MCC: variants seen among roughly 807,000 people sequenced by gnomAD.
The protein encoded by MCC is colorectal mutant cancer protein.
In MCC, 90 loss-of-function variants were observed where a neutral mutation model predicts 116.2. The observed-to-expected ratio is 0.77, with a 90% CI of 0.65 to 0.92. The LOEUF (loss-of-function observed/expected upper bound fraction) is 0.92, where lower values mean the gene tolerates loss of function less well. Among genes scored for constraint, MCC ranks in the 40% least tolerant of loss-of-function variants. The pLI is 0.00. For missense variants in MCC, 1,516 were observed against 1,312.2 expected, an observed-to-expected ratio of 1.16 and a Z score of -2.40; for synonymous variants, 578 against 510.5, an observed-to-expected ratio of 1.13 and a Z score of -1.78.
intron 1 of MCC, among the ~76,000 whole-genome samples, chr5:113,421,162 C>G (rs1164122835): frequency 1.3e-5 from 2 of 152,026 alleles, no homozygotes; most frequent in South Asian, 4.2e-4. Context: ...GTAGCTGAGA[C>G]TACAGGCACG....
Position 113,043,572 on chromosome 5 carries a change from CTGCACGT to C in MCC, c.2707_2713del (p.Thr903AlafsTer19), listed in dbSNP as rs1346592724. ...GAACTCCGCAGCCAGCTCATTCTCG[CTGCACGT>C]TGTCCTGAGTTCGGCTAGGGACAGA... On this transcript the variant is annotated frameshift_variant, in exon 17 of 19. Transcript: ENST00000408903. LOFTEE classifies it high-confidence loss of function. The C allele has an allele frequency of 6.2e-7, 1 of 1,614,068 alleles. No individual in the cohort carries two copies.
chr5:113,352,198 C>T (rs1768285203), intron 2 of MCC, among the ~76,000 whole-genome samples: 1 of 152,116 alleles, frequency 6.6e-6, no homozygotes, highest in Non-Finnish European at 1.5e-5. Context: ...TAAAAACCAA[C>T]ATTCATGAGA....
chr5:113,323,478 T>C (rs1184501918), intron 3 of MCC, among the ~76,000 whole-genome samples: 1 of 151,994 alleles, frequency 6.6e-6, no homozygotes, highest in Non-Finnish European at 1.5e-5. Context: ...TGGAAGGTGG[T>C]GGCAGTGGTG....
At chr5:113,415,210 C>T (rs1384233574) in intron 1 of MCC, among the ~76,000 whole-genome samples, 1 of 152,124 alleles carries the variant, frequency 6.6e-6, no homozygotes, top group Non-Finnish European at 1.5e-5. Flanking sequence ...TTTTTTCCTT[C>T]ATTTCAACTT....
chr5:113,054,974 A>G (rs1051382291), intron 14 of MCC, among the ~76,000 whole-genome samples: 1 of 152,216 alleles, frequency 6.6e-6, no homozygotes, highest in Non-Finnish European at 1.5e-5. Context: ...GCCAGTGTGC[A>G]CCGACAGCAG....
chr5:113,476,828 A>G (rs936941611), intron 1 of MCC, among the ~76,000 whole-genome samples: 1 of 152,114 alleles, frequency 6.6e-6, no homozygotes, highest in African/African-American at 2.4e-5. Context: ...GGTTGCAATG[A>G]TTGTTACACG....
intron 3 of MCC, among the ~76,000 whole-genome samples, chr5:113,205,643 A>G (rs565079683): frequency 3.5e-4 from 54 of 152,382 alleles, no homozygotes; most frequent in African/African-American, 1.3e-3. Context: ...TTTTAAAAGC[A>G]TGAATAGCTC....
intron 3 of MCC, among the ~76,000 whole-genome samples, chr5:113,211,813 T>G (rs998066385): frequency 1.3e-5 from 2 of 152,204 alleles, no homozygotes; most frequent in Non-Finnish European, 2.9e-5. Flanking sequence ...TTAGCACACT[T>G]GAATGAAGAC....
At chr5:113,390,930 T>C (rs745527500) in intron 1 of MCC, among the ~76,000 whole-genome samples, 26 of 152,178 alleles carry the variant, frequency 1.7e-4, no homozygotes, top group Non-Finnish European at 3.5e-4. Flanking sequence ...ACACAAAAAA[T>C]GTAATTTAGA....
At chr5:113,486,759 C>A (rs540750301) in intron 1 of MCC, among the ~76,000 whole-genome samples, 9 of 151,716 alleles carry the variant, frequency 5.9e-5, no homozygotes, top group African/African-American at 1.9e-4. Flanking sequence ...AGGAGAATCT[C>A]TTGAACCAGG....
At chr5:113,373,783 A>G (rs1245321662) in intron 2 of MCC, among the ~76,000 whole-genome samples, 2 of 152,286 alleles carry the variant, frequency 1.3e-5, no homozygotes, top group African/African-American at 4.8e-5. Flanking sequence ...TCATAATTTT[A>G]AAACAAGATT....
At chr5:113,078,532 A>C (rs142213665) in intron 11 of MCC, among the ~76,000 whole-genome samples, 172 of 152,320 alleles carry the variant, frequency 1.1e-3, no homozygotes, top group African/African-American at 4.0e-3. Flanking sequence ...TTAATCCATC[A>C]TATAAATAGA....
At chr5:113,354,957 TG>T (rs1176937798) in intron 2 of MCC, among the ~76,000 whole-genome samples, 1 of 152,014 alleles carries the variant, frequency 6.6e-6, no homozygotes, top group African/African-American at 2.4e-5. Context: ...GAGAAATCTC[TG>T]TACATGTATA....
chr5:113,302,986 T>G (rs1766899907), intron 3 of MCC, among the ~76,000 whole-genome samples: 1 of 152,262 alleles, frequency 6.6e-6, no homozygotes, highest in East Asian at 1.9e-4. Context: ...TAGGTAAAAC[T>G]GACCAGGATT....
chr5:113,038,321 G>A (rs1044493465), intron 17 of MCC, among the ~76,000 whole-genome samples: 1 of 152,130 alleles, frequency 6.6e-6, no homozygotes, highest in African/African-American at 2.4e-5. Flanking sequence ...CTGAAGACAT[G>A]AGAGTTGGAG....
At chr5:113,374,398 A>C (rs958715998) in intron 2 of MCC, among the ~76,000 whole-genome samples, 6 of 152,032 alleles carry the variant, frequency 3.9e-5, no homozygotes, top group Middle Eastern at 3.2e-3. Context: ...AAACAACCCA[A>C]AGAGACAAAC....
At chr5:113,326,407 G>A (rs1037894331) in intron 3 of MCC, among the ~76,000 whole-genome samples, 8 of 152,190 alleles carry the variant, frequency 5.3e-5, no homozygotes, top group African/African-American at 1.9e-4. Flanking sequence ...CAAGATCAAG[G>A]TGCCAAGATC....
chr5:113,476,159 C>T (rs1331911051), intron 1 of MCC, among the ~76,000 whole-genome samples: 2 of 152,176 alleles, frequency 1.3e-5, no homozygotes, highest in South Asian at 2.1e-4. Flanking sequence ...CCTTATAAAA[C>T]TCTCAGCTGT....
chr5:113,385,158 C>G lies in MCC; in HGVS notation c.225G>C (p.Glu75Asp), dbSNP rs796617219. 1.2e-6 allele frequency: 2 copies of G among 1,614,178 alleles called. No individual in the cohort carries two copies. The highest frequency in any genetic ancestry group is 1.6e-4 in the Middle Eastern group (1 of 6,062). ...CATCTGCTCCCAACTGGTTCATGAT[C>G]TCAGCCACAGACTCTTCCATATTCA... ...RQLNMEESVAEIMNQLGADEN... is the reference protein window; with the variant it reads ...RQLNMEESVADIMNQLGADEN... The change falls in exon 2 of 19, where the codon GAG (glutamate) becomes GAC (aspartate). Residue 75 changes from glutamate to aspartate, a missense_variant. Glu to Asp is a conservative substitution (Grantham distance 45). Coordinates refer to ENST00000408903, the MANE Select transcript of MCC (RefSeq NM_001085377.2).
Sources: gnomAD v4.1 joint callset for allele counts (sites outside exome capture counted in the v4.1 genomes callset) on GRCh38, gnomAD v4.1.1 for gene constraint, MANE v1.5 for transcripts, NCBI Gene and HGNC (gene_info 2026-07-23, HGNC 2026-07-21) for gene names.